The following DIS3L2 variants were observed in gnomAD, a reference collection of about 807,000 sequenced individuals.
The protein encoded by DIS3L2 is DIS3-like exonuclease 2.
In DIS3L2, 34 loss-of-function variants were observed where a neutral mutation model predicts 97.5. The ratio of observed to expected loss-of-function variants is 0.35; its 90% CI spans 0.27 to 0.46. The LOEUF (loss-of-function observed/expected upper bound fraction) is 0.46. Among genes scored for constraint, DIS3L2 ranks in the 20% least tolerant of loss-of-function variants. The pLI is 1.00. For synonymous variants in DIS3L2, 435 were observed against 445.2 expected (o/e 0.98, Z 0.29); for missense variants, 1,038 against 1,146.0 (o/e 0.91, Z 1.36).
chr2:231,979,718 C>G (rs1307713205), intron 1 of DIS3L2, among the ~76,000 whole-genome samples: 1 of 152,046 alleles, frequency 6.6e-6, no homozygotes, highest in Non-Finnish European at 1.5e-5. Context: ...GCTGGGATTA[C>G]AGGCACCTGC....
At chr2:232,005,236 G>A (rs1481831762) in intron 1 of DIS3L2, among the ~76,000 whole-genome samples, 4 of 133,694 alleles carry the variant, frequency 3.0e-5, no homozygotes, top group Admixed American at 8.6e-5. Context: ...TTCAGATTGC[G>A]TCTTGTCTCC....
intron 1 of DIS3L2, among the ~76,000 whole-genome samples, chr2:231,985,731 C>CGTAAA (rs1354308323): frequency 6.6e-6 from 1 of 152,214 alleles, no homozygotes; most frequent in Non-Finnish European, 1.5e-5. Context: ...TGACTACATC[C>CGTAAA]TTACTCCCAC....
intron 4 of DIS3L2, among the ~76,000 whole-genome samples, chr2:232,025,825 GT>G (rs1399010522): frequency 6.6e-6 from 1 of 152,090 alleles, no homozygotes; most frequent in Admixed American, 6.6e-5. Context: ...CATAACCAAT[GT>G]TTTTTTCCCA....
At chr2:232,243,224 G>A (rs1198731561) in intron 11 of DIS3L2, among the ~76,000 whole-genome samples, 3 of 152,220 alleles carry the variant, frequency 2.0e-5, no homozygotes, top group African/African-American at 7.2e-5. Context: ...AAAATGGGCA[G>A]AGAGGGCATT....
At chr2:232,067,295 C>T (rs1018950832) in intron 5 of DIS3L2, among the ~76,000 whole-genome samples, 12 of 152,112 alleles carry the variant, frequency 7.9e-5, no homozygotes, top group East Asian at 7.7e-4. Flanking sequence ...TTTCTCTAGA[C>T]GCTACTTTAC....
chr2:232,093,684 TA>T (rs1696916588), intron 6 of DIS3L2, among the ~76,000 whole-genome samples: 1 of 152,174 alleles, frequency 6.6e-6, no homozygotes, highest in Non-Finnish European at 1.5e-5. Context: ...TAGTTTCTCA[TA>T]ATATCCACTA....
At chr2:232,111,354 A>G (rs1697526962) in intron 6 of DIS3L2, 3 of 435,552 alleles carry the variant, frequency 6.9e-6, no homozygotes, top group Non-Finnish European at 1.4e-5. Context: ...GACATTGTTC[A>G]TCTAGTGTTT....
At chr2:232,118,244 C>T (rs1435750413) in intron 6 of DIS3L2, among the ~76,000 whole-genome samples, 1 of 152,214 alleles carries the variant, frequency 6.6e-6, no homozygotes, top group Non-Finnish European at 1.5e-5. Flanking sequence ...TGCAATATTT[C>T]GTTGGTTAGA....
At position 232,276,084 on chromosome 2, in the gene DIS3L2, T is replaced by C. The variant is rs1694132218; in HGVS notation, c.1659+12644T>C. Among the ~76,000 whole-genome samples, 1 of 152,208 alleles carries C rather than the reference T, an allele frequency of 6.6e-6. No homozygotes were observed. Among genetic ancestry groups the C allele is most frequent in the Admixed American group, 6.5e-5 (1 of 15,292 alleles). The stretch of plus-strand genomic sequence containing the variant: ...GGTAAAGGAAATCTGCCAGAGTAGA[T>C]GGAGATGAGGGCAACACCCAGGGAG... On this transcript the variant is annotated intron_variant, in intron 13 of 20. Coordinates refer to ENST00000325385, the MANE Select transcript of DIS3L2 (RefSeq NM_152383.5). The surrounding 1 kb of genome is among the most constrained non-coding windows in gnomAD (Gnocchi z 4.4).
intron 3 of DIS3L2, among the ~76,000 whole-genome samples, chr2:232,020,954 C>G (rs1053020194): frequency 2.0e-5 from 3 of 152,096 alleles, no homozygotes; most frequent in African/African-American, 2.4e-5. Context: ...TTGGAGAACC[C>G]TGTCCAAAGC....
chr2:232,100,835 A>G (rs1363924314), intron 6 of DIS3L2, among the ~76,000 whole-genome samples: 1 of 108,844 alleles, frequency 9.2e-6, no homozygotes, highest in Non-Finnish European at 2.2e-5. Context: ...GTGTGTATAT[A>G]TATCTCCACA....
At chr2:232,295,025 C>T (rs1694690794) in intron 13 of DIS3L2, among the ~76,000 whole-genome samples, 1 of 152,068 alleles carries the variant, frequency 6.6e-6, no homozygotes, top group African/African-American at 2.4e-5. Flanking sequence ...ACTCCCTTAC[C>T]CCCTTATTCT....
At chr2:231,994,143 T>C (rs1039899296) in intron 1 of DIS3L2, among the ~76,000 whole-genome samples, 1 of 151,682 alleles carries the variant, frequency 6.6e-6, no homozygotes, top group Admixed American at 6.6e-5. Flanking sequence ...GAAAAGGCTA[T>C]CTTTCCTCCC....
intron 6 of DIS3L2, 24 bp downstream of exon 6, chr2:232,087,745 CTTTTT>C: frequency 6.4e-7 from 1 of 1,554,290 alleles, no homozygotes; most frequent in East Asian, 2.3e-5. Context: ...TATTGTCTTA[CTTTTT>C]TTTTAAGTAC....
chr2:231,998,310 C>T (rs993846527), intron 1 of DIS3L2, among the ~76,000 whole-genome samples: 3 of 152,192 alleles, frequency 2.0e-5, no homozygotes, highest in African/African-American at 7.2e-5. Flanking sequence ...GCCAAACTCA[C>T]TTTTATCAGG....
At position 232,087,720 on chromosome 2, in the gene DIS3L2, A is replaced by C. The variant is rs778172638; in HGVS notation, c.600A>C (p.Lys200Asn). ...VKKLSVCVSE[K>N]GREDGDAPVT... is the part of the protein sequence containing the mutation. ...AACTCTCAGTTTGTGTTTCTGAGAAAGGTGAGTACTAGACTATTGTCTTAC... is the reference window on the plus strand; with the variant it reads ...AACTCTCAGTTTGTGTTTCTGAGAACGGTGAGTACTAGACTATTGTCTTAC... The change falls in exon 6 of 21, where the codon AAA becomes AAC. Residue 200 changes from lysine (K) to asparagine (N), a missense_variant and splice_region_variant. Around this residue, in one of 3 missense-constraint regions of DIS3L2, gnomAD observed 813 missense variants for 880.1 expected, o/e 0.92. Transcript: ENST00000325385. 6.2e-7 allele frequency: 1 copy of C among 1,612,368 alleles called. No individual in the cohort carries two copies. Among genetic ancestry groups the C allele is most frequent in the African/African-American group, 1.3e-5 (1 of 74,924 alleles).
rs550871844 is a variant in DIS3L2, at chr2:231,982,828, C to T, written c.-94+21063C>T. On this transcript the variant is annotated intron_variant, in intron 1 of 20. Coordinates refer to ENST00000325385, the MANE Select transcript of DIS3L2 (RefSeq NM_152383.5). ...CCAAGTAGCTGGGATTACAGGTGCC[C>T]GCCACCACACCTGGCTAATTTTTGT... Among the ~76,000 whole-genome samples, 317 of 151,910 alleles carry T rather than the reference C, an allele frequency of 2.1e-3. 3 individuals carry two copies. Among genetic ancestry groups the T allele is most frequent in the African/African-American group, 7.2e-3 (297 of 41,436 alleles).
chr2:232,220,636 G>A (rs535671211), intron 10 of DIS3L2, among the ~76,000 whole-genome samples: 1 of 152,262 alleles, frequency 6.6e-6, no homozygotes, highest in East Asian at 1.9e-4. Context: ...GAACCCGGGA[G>A]GCATAGGTTG....
rs991187780 is a variant in DIS3L2 at position 232,293,215 on chromosome 2, CTG to C, written c.1660-6824_1660-6823del. Among the ~76,000 whole-genome samples, 33 of 152,262 alleles carry C rather than the reference CTG, an allele frequency of 2.2e-4. No individual in the cohort carries two copies. Among genetic ancestry groups the C allele is most frequent in the Non-Finnish European group, 3.4e-4 (23 of 68,020 alleles). ...CTGACAAGATGGCAACACCTGAACA[CTG>C]AGAGTGTCTGAGCCACAGCTGGTCA... is the stretch of plus-strand genomic sequence containing the variant. On this transcript the variant is annotated intron_variant, in intron 13 of 20. Transcript: ENST00000325385. The surrounding 1 kb of genome is among the most constrained non-coding windows in gnomAD (Gnocchi z 4.6).
Sources: gnomAD v4.1 joint callset for allele counts (sites outside exome capture counted in the v4.1 genomes callset) on GRCh38, gnomAD v4.1.1 for gene constraint, gnomAD v4.1.1 regional missense constraint, Gnocchi (gnomAD v3.1) non-coding constraint, MANE v1.5 for transcripts, NCBI Gene and HGNC (gene_info 2026-07-23, HGNC 2026-07-21) for gene names.